PIP5K1C: variants seen among roughly 807,000 people sequenced by gnomAD.
PIP5K1C encodes phosphatidylinositol-4-phosphate 5-kinase type 1 gamma.
PIP5K1C carries 45 observed loss-of-function variants against 80.1 expected under a neutral mutation model. That is an observed-to-expected ratio of 0.56 (90% confidence interval 0.44 to 0.72). The LOEUF (loss-of-function observed/expected upper bound fraction) is 0.72, where lower values mean the gene tolerates loss of function less well. Ranked by LOEUF, PIP5K1C falls within the 30% of genes least tolerant of loss-of-function variation. PIP5K1C has a pLI of 0.00. For synonymous variants in PIP5K1C, 498 were observed against 420.1 expected (o/e 1.19, Z -2.27); for missense variants, 753 against 954.6 (o/e 0.79, Z 2.78).
intron 1 of PIP5K1C, among the ~76,000 whole-genome samples, chr19:3,683,432 G>A (rs56206631): frequency 0.024 from 3,660 of 152,304 alleles, 79 homozygotes; most frequent in Non-Finnish European, 0.034. Context: ...CAGCTGGAGC[G>A]CAGGCAGGAG....
chr19:3,663,890 G>A (rs190011155), intron 3 of PIP5K1C, among the ~76,000 whole-genome samples: 48 of 152,300 alleles, frequency 3.2e-4, no homozygotes, highest in African/African-American at 1.1e-3. Context: ...CGAGACAAAC[G>A]AACACATGTA....
chr19:3,643,476 C>A (rs895600622), intron 12 of PIP5K1C, 95 bp from the exon 13 acceptor site: 11 of 1,472,042 alleles, frequency 7.5e-6, no homozygotes, highest in Non-Finnish European at 9.3e-6. Context: ...TGGGAACCCA[C>A]AGCCCAGTGC....
At chr19:3,678,499 G>T (rs1361121344) in intron 1 of PIP5K1C, among the ~76,000 whole-genome samples, 2 of 126,468 alleles carry the variant, frequency 1.6e-5, no homozygotes, top group Non-Finnish European at 1.7e-5. Flanking sequence ...AGGCAAGGAG[G>T]ATGGAAGGAT....
In PIP5K1C at chr19:3,696,642, G is replaced by A. The variant is rs994905968; in HGVS notation, c.94+3655C>T. 6.6e-6 allele frequency among the ~76,000 whole-genome samples: 1 copy of A among 150,896 alleles called. No homozygotes were observed. Among genetic ancestry groups the A allele is most frequent in the African/African-American group, 2.4e-5 (1 of 40,998 alleles). ...GGGGCAGCCGTGCAAAGGCCCCGGG[G>A]CAGGACCATGCCCTGCATGCTGGAG... On this transcript the variant is annotated intron_variant, in intron 1 of 17. Coordinates refer to ENST00000335312, the MANE Select transcript of PIP5K1C (RefSeq NM_012398.3). The surrounding 1 kb of genome is among the most constrained non-coding windows in gnomAD (Gnocchi z 4.1).
At chr19:3,664,315 A>G (rs909984896) in intron 3 of PIP5K1C, among the ~76,000 whole-genome samples, 3 of 152,224 alleles carry the variant, frequency 2.0e-5, no homozygotes, top group African/African-American at 7.2e-5. Flanking sequence ...CATATGTACT[A>G]AAAGTCATTT....
rs748532409 is a variant in PIP5K1C at position 3,633,461 on chromosome 19, CG to C, written c.1979del (p.Pro660ArgfsTer225). 205 of 1,500,414 alleles carry C rather than the reference CG, an allele frequency of 1.4e-4. No homozygotes were observed. The highest frequency in any genetic ancestry group is 3.9e-4 in the South Asian group (28 of 72,678). The allele number at this position is 1,500,414 out of a possible 1,614,324, so 92.9% of individuals were successfully genotyped here. ...CTGTGTCGCTCTCGCCGTCGGAGGC[CG>C]GGGGGGCCTGGGCGCTATAGTGGAG... ...SPLHYSAQAPPASDGESDT is the reference protein window; with the variant it reads ...SPLHYSAQAPXASDGESDT On this transcript the variant is annotated frameshift_variant, in exon 17 of 18. Coordinates refer to ENST00000335312, the MANE Select transcript of PIP5K1C (RefSeq NM_012398.3). LOFTEE classifies it high-confidence loss of function.
chr19:3,653,183 G>C, intron 7 of PIP5K1C, 107 bp downstream of exon 7: 1 of 999,076 alleles, frequency 1.0e-6, no homozygotes, highest in Non-Finnish European at 1.5e-6. Flanking sequence ...CTGCAGGGCA[G>C]GTGGGCCTCG....
chr19:3,638,132 G>A (rs1169630303), intron 16 of PIP5K1C: 2 of 1,248,002 alleles, frequency 1.6e-6, no homozygotes, highest in Non-Finnish European at 2.1e-6. Flanking sequence ...AAACCATCTG[G>A]GAAGTGGGCT....
At chr19:3,650,603 G>A (rs2145434859) in intron 8 of PIP5K1C, among the ~76,000 whole-genome samples, 1 of 152,286 alleles carries the variant, frequency 6.6e-6, no homozygotes, top group East Asian at 1.9e-4. Context: ...CAGTGTCCCA[G>A]GAGAGCTCTG....
Position 3,637,759 on chromosome 19 carries a change from G to A in PIP5K1C, c.1920+1125C>T. The A allele has an allele frequency of 6.5e-7, 1 of 1,530,212 alleles. No homozygotes were observed. The highest frequency in any genetic ancestry group is 8.7e-7 in the Non-Finnish European group (1 of 1,144,474). The allele number at this position is 1,530,212 out of a possible 1,614,324, so 94.8% of individuals were successfully genotyped here. On this transcript the variant is annotated intron_variant, in intron 16 of 17. Transcript: ENST00000335312. The surrounding 1 kb of genome is among the most constrained non-coding windows in gnomAD (Gnocchi z 7.0). ...AGCTGACTGCCAAGCAGAAGGTGGG[G>A]GGTGCCGGGGCAGGGGCAGGACCGA...
rs2033768336 is a variant in PIP5K1C at position 3,637,840 on chromosome 19, C to T, written c.1920+1044G>A. On this transcript the variant is annotated intron_variant, in intron 16 of 17. Transcript: ENST00000335312. This position sits in a 1 kb window ranked among gnomAD's most constrained non-coding sequence, Gnocchi z 7.0. ...GGCAGGGCATCAGGACACAGACACACAGCACGACATGGCCCCCAGGCCCCC... is the reference window on the plus strand; with the variant it reads ...GGCAGGGCATCAGGACACAGACACATAGCACGACATGGCCCCCAGGCCCCC... 3 of 1,535,262 alleles carry T rather than the reference C, an allele frequency of 2.0e-6. No individual in the cohort carries two copies. The highest frequency in any genetic ancestry group is 1.7e-4 in the Middle Eastern group (1 of 5,970).
At chr19:3,676,089 G>T (rs560226147) in intron 1 of PIP5K1C, among the ~76,000 whole-genome samples, 1 of 152,342 alleles carries the variant, frequency 6.6e-6, no homozygotes, top group African/African-American at 2.4e-5. Context: ...TGGGGAAACC[G>T]AGGCTGGGAG....
intron 10 of PIP5K1C, among the ~76,000 whole-genome samples, chr19:3,646,581 G>C (rs1475486445): frequency 1.3e-5 from 2 of 152,204 alleles, no homozygotes; most frequent in Non-Finnish European, 2.9e-5. Context: ...TGCGGCGGCA[G>C]CACAGGACAC....
In PIP5K1C at chr19:3,688,958, TG is replaced by T. The variant is rs146903876; in HGVS notation, c.94+11338del. ...GAGTGCCCGGGATGGGGCTGGGGGG[TG>T]GGGGGGGCTTGGCGCACGCGGCCTA... is the stretch of plus-strand genomic sequence containing the variant. On this transcript the variant is annotated intron_variant, in intron 1 of 17. Coordinates refer to ENST00000335312, the MANE Select transcript of PIP5K1C (RefSeq NM_012398.3). This position sits in a 1 kb window ranked among gnomAD's most constrained non-coding sequence, Gnocchi z 5.3. Among the ~76,000 whole-genome samples the T allele has an allele frequency of 4.6e-3, 666 of 146,120 alleles. 24 individuals carry two copies. The highest frequency in any genetic ancestry group is 0.04 in the Admixed American group (601 of 14,918).
chr19:3,639,022 G>T lies in PIP5K1C; in HGVS notation c.1788-6C>A, dbSNP rs750464905. Reference sequence around the variant, plus strand: ...CGGCCGGGGAAGCCTCCACCCTGGGGACAGGAGTAGACAGAGGGTCTTGAC... The same window carrying T: ...CGGCCGGGGAAGCCTCCACCCTGGGTACAGGAGTAGACAGAGGGTCTTGAC... On this transcript the variant is annotated splice_region_variant and splice_polypyrimidine_tract_variant and intron_variant, in intron 15 of 17. Coordinates refer to ENST00000335312, the MANE Select transcript of PIP5K1C (RefSeq NM_012398.3). The T allele has an allele frequency of 5.0e-6, 8 of 1,609,368 alleles. No homozygotes were observed. In the South Asian group the frequency reaches 8.8e-5, roughly 18 times the overall value.
chr19:3,693,823 G>A (rs143946374), intron 1 of PIP5K1C, among the ~76,000 whole-genome samples: 1 of 152,284 alleles, frequency 6.6e-6, no homozygotes, highest in Admixed American at 6.5e-5. Flanking sequence ...CAGCACTTTG[G>A]GAGGTGGAGG....
In PIP5K1C at chr19:3,648,868, G is replaced by A. The variant is rs2034345138; in HGVS notation, c.1128-160C>T. Among the ~76,000 whole-genome samples the A allele has an allele frequency of 6.6e-6, 1 of 152,034 alleles. No homozygotes were observed. Among genetic ancestry groups the A allele is most frequent in the Non-Finnish European group, 1.5e-5 (1 of 67,978 alleles). ...CCTGGCACCCGGGAACCTCTGTCCT[G>A]ACATCCCTCCATCACCCCCAGCCTC... On this transcript the variant is annotated intron_variant, in intron 8 of 17. Coordinates refer to ENST00000335312, the MANE Select transcript of PIP5K1C (RefSeq NM_012398.3). The surrounding 1 kb of genome is among the most constrained non-coding windows in gnomAD (Gnocchi z 4.3).
At chr19:3,640,238 G>A (rs949325754) in intron 15 of PIP5K1C, among the ~76,000 whole-genome samples, 9 of 152,206 alleles carry the variant, frequency 5.9e-5, no homozygotes, top group African/African-American at 1.4e-4. Context: ...TACAGGGGCC[G>A]CCACGGGGCT....
chr19:3,672,219 G>A (rs566138602), intron 1 of PIP5K1C, among the ~76,000 whole-genome samples: 2 of 152,372 alleles, frequency 1.3e-5, no homozygotes, highest in African/African-American at 4.8e-5. Context: ...TAGAGGCACT[G>A]CCATTCTCCA....
Sources: gnomAD v4.1 joint callset for allele counts (sites outside exome capture counted in the v4.1 genomes callset) on GRCh38, gnomAD v4.1.1 for gene constraint, Gnocchi (gnomAD v3.1) non-coding constraint, MANE v1.5 for transcripts, NCBI Gene and HGNC (gene_info 2026-07-23, HGNC 2026-07-21) for gene names.